CFAP161: variants seen among roughly 807,000 people sequenced by gnomAD.
CFAP161 encodes cilia and flagella associated protein 161, also known as cilia- and flagella-associated protein 161.
CFAP161 carries 25 observed loss-of-function variants against 29.0 expected under a neutral mutation model. That is an observed-to-expected ratio of 0.86 (90% CI 0.63 to 1.20). CFAP161 has a LOEUF of 1.20. Ranked by LOEUF, CFAP161 falls within the 50% of genes most tolerant of loss-of-function variation. The probability of loss-of-function intolerance (pLI) is 0.00; values close to 1 mark genes in which losing one functional copy is unlikely to be tolerated. For missense variants in CFAP161, 367 were observed against 371.9 expected (o/e 0.99, Z 0.11); for synonymous variants, 116 against 137.4 (o/e 0.84, Z 1.09).
Position 81,143,837 on chromosome 15 carries a change from G to A in CFAP161, c.636+17G>A. 6.2e-7 allele frequency: 1 copy of A among 1,607,404 alleles called. No individual in the cohort carries two copies. The highest frequency in any genetic ancestry group is 8.5e-7 in the Non-Finnish European group (1 of 1,175,174). ...CCCGTCCCGGTGAGTGCAGCATCGGGAAGACATGGGTGTCTAGGCTATGAA... is the reference window on the plus strand; with the variant it reads ...CCCGTCCCGGTGAGTGCAGCATCGGAAAGACATGGGTGTCTAGGCTATGAA... On this transcript the variant is annotated intron_variant, in intron 5 of 6. Transcript: ENST00000286732.
chr15:81,140,696 C>G (rs896445481), intron 4 of CFAP161, among the ~76,000 whole-genome samples: 2 of 151,872 alleles, frequency 1.3e-5, no homozygotes, highest in African/African-American at 4.8e-5. Flanking sequence ...GTAGCTGGGA[C>G]CACAGGTGCA....
At chr15:81,147,528 C>T (rs987135278) in intron 5 of CFAP161, among the ~76,000 whole-genome samples, 4 of 152,150 alleles carry the variant, frequency 2.6e-5, no homozygotes, top group African/African-American at 9.7e-5. Context: ...CAAGGCTACA[C>T]GGGATAGCCT....
In CFAP161 at chr15:81,143,771, C is replaced by A. The variant is rs1180482797; in HGVS notation, c.587C>A (p.Ala196Asp). ...TCCCATGTGAACTGCTGGCAGGCTG[C>A]CTTCCCTGACCCCCAGTTACGCCTG... Reference protein sequence around the residue: ...EVSHVNCWQAAFPDPQLRLEY... With the variant: ...EVSHVNCWQADFPDPQLRLEY... Residue 196 changes from alanine (A) to aspartate (D), a missense_variant, in exon 5 of 7, where the codon GCC (alanine) becomes GAC (aspartate). Physicochemically the swap from Ala to Asp is moderately radical, Grantham distance 126. Coordinates refer to ENST00000286732, the MANE Select transcript of CFAP161 (RefSeq NM_173528.4). 8 of 1,614,028 alleles carry A rather than the reference C, an allele frequency of 5.0e-6. No homozygotes were observed. The highest frequency in any genetic ancestry group is 6.8e-6 in the Non-Finnish European group (8 of 1,180,030).
chr15:81,142,264 CT>C (rs76890933), intron 4 of CFAP161, among the ~76,000 whole-genome samples: 30 of 149,084 alleles, frequency 2.0e-4, no homozygotes, highest in South Asian at 1.5e-3. Flanking sequence ...CCAGGTTGAT[CT>C]TTTTTTTTTA....
intron 4 of CFAP161, 112 bp from the exon 5 acceptor site, chr15:81,143,550 G>A (rs1894950592): frequency 6.5e-6 from 8 of 1,227,756 alleles, no homozygotes; most frequent in Non-Finnish European, 9.2e-6. Flanking sequence ...TAAGAACAGA[G>A]TTTTTGAGAA....
intron 1 of CFAP161, among the ~76,000 whole-genome samples, chr15:81,104,332 G>A (rs1045792951): frequency 2.6e-5 from 4 of 152,256 alleles, no homozygotes; most frequent in African/African-American, 9.6e-5. Flanking sequence ...CTCTAGTGCA[G>A]TGAAGCTGGG....
chr15:81,134,427 C>A, intron 1 of CFAP161, 29 bp downstream of exon 1: 1 of 1,563,702 alleles, frequency 6.4e-7, no homozygotes, highest in East Asian at 2.3e-5. Flanking sequence ...GGCGCAGACC[C>A]GCAGCTCAGG....
intron 5 of CFAP161, among the ~76,000 whole-genome samples, chr15:81,147,164 G>T (rs956668736): frequency 1.3e-5 from 2 of 151,666 alleles, no homozygotes; most frequent in African/African-American, 2.4e-5. Flanking sequence ...TTCCTCTACC[G>T]CCCTCTCACA....
intron 1 of CFAP161, among the ~76,000 whole-genome samples, chr15:81,113,838 C>T (rs1331785595): frequency 1.3e-5 from 2 of 152,160 alleles, no homozygotes; most frequent in Admixed American, 6.5e-5. Flanking sequence ...CTAAAAGTCT[C>T]CACTCTCGAA....
chr15:81,116,347 G>A (rs1323779174), intron 1 of CFAP161, among the ~76,000 whole-genome samples: 4 of 152,226 alleles, frequency 2.6e-5, no homozygotes, highest in South Asian at 2.1e-4. Context: ...AGGCTGGAGT[G>A]CAGTGGCACA....
At chr15:81,141,422 CTCTTAT>C (rs1894906414) in intron 4 of CFAP161, among the ~76,000 whole-genome samples, 4 of 152,084 alleles carry the variant, frequency 2.6e-5, no homozygotes. Flanking sequence ...AGATCACTTA[CTCTTAT>C]TAATTCTATA....
intron 1 of CFAP161, among the ~76,000 whole-genome samples, chr15:81,107,445 G>T (rs1024218092): frequency 6.6e-6 from 1 of 152,174 alleles, no homozygotes; most frequent in Non-Finnish European, 1.5e-5. Flanking sequence ...AATTACAGAG[G>T]CTGGGCACAG....
chr15:81,113,822 G>A (rs994300597), intron 1 of CFAP161, among the ~76,000 whole-genome samples: 1 of 152,168 alleles, frequency 6.6e-6, no homozygotes, highest in Non-Finnish European at 1.5e-5. Flanking sequence ...AGCTGGGTCA[G>A]TGGAGCTAAA....
chr15:81,110,570 A>T (rs1047497938), intron 1 of CFAP161, among the ~76,000 whole-genome samples: 2 of 152,300 alleles, frequency 1.3e-5, no homozygotes, highest in Middle Eastern at 3.4e-3. Context: ...CTGAGACTAA[A>T]CACTACTCTG....
intron 1 of CFAP161, among the ~76,000 whole-genome samples, chr15:81,106,708 A>G (rs1894377303): frequency 6.6e-6 from 1 of 152,204 alleles, no homozygotes; most frequent in Non-Finnish European, 1.5e-5. Flanking sequence ...ACGCTCTTTC[A>G]AAGGTCAGGG....
chr15:81,148,073 A>T, intron 6 of CFAP161, 142 bp downstream of exon 6: 1 of 737,310 alleles, frequency 1.4e-6, no homozygotes, highest in Non-Finnish European at 2.2e-6. Context: ...TAGAACTTCA[A>T]TGGTGTGAAA....
At chr15:81,126,913 A>G (rs1348343188) in intron 1 of CFAP161, among the ~76,000 whole-genome samples, 1 of 152,200 alleles carries the variant, frequency 6.6e-6, no homozygotes, top group Non-Finnish European at 1.5e-5. Context: ...AGCAAATTCA[A>G]AGTAGGTAGA....
At chr15:81,124,214 C>T (rs1894611912) in intron 1 of CFAP161, among the ~76,000 whole-genome samples, 1 of 151,630 alleles carries the variant, frequency 6.6e-6, no homozygotes, top group South Asian at 2.1e-4. Flanking sequence ...TATGTTCCTT[C>T]AATACCAGGG....
At position 81,135,307 on chromosome 15, in the gene CFAP161, G is replaced by A. The variant is rs200883144; in HGVS notation, c.107G>A (p.Gly36Glu). The A allele has an allele frequency of 4.4e-6, 7 of 1,601,422 alleles. No homozygotes were observed. The highest frequency in any genetic ancestry group is 5.9e-6 in the Non-Finnish European group (7 of 1,176,862). The change falls in exon 2 of 7, where the codon GGG becomes GAG. Residue 36 changes from glycine to glutamate, a missense_variant. Transcript: ENST00000286732. Reference protein sequence around the residue: ...MKDFLEKRDKGKLLIQRSRRL... With the variant: ...MKDFLEKRDKEKLLIQRSRRL... Reference sequence around the variant, plus strand: ...GACTTCTTAGAGAAGAGAGACAAGGGGAAACTTCTCATACAGAGAAGTAGA... The same window carrying A: ...GACTTCTTAGAGAAGAGAGACAAGGAGAAACTTCTCATACAGAGAAGTAGA...
Sources: allele counts gnomAD v4.1 joint callset (sites outside exome capture counted in the v4.1 genomes callset), GRCh38; gene constraint gnomAD v4.1.1; transcripts MANE v1.5; gene names NCBI Gene and HGNC (gene_info 2026-07-23, HGNC 2026-07-21).